Variants in CADPS2 observed in about 807,000 individuals in gnomAD.
CADPS2 encodes the protein calcium dependent secretion activator 2, also known as calcium-dependent secretion activator 2.
Under a neutral mutation model 172.5 loss-of-function variants are expected in CADPS2, and 93 were observed. The observed-to-expected ratio is 0.54, with a 90% confidence interval of 0.46 to 0.64. The LOEUF (loss-of-function observed/expected upper bound fraction) is 0.64, where lower values mean the gene tolerates loss of function less well. Among genes scored for constraint, CADPS2 ranks in the 30% least tolerant of loss-of-function variants. The probability of loss-of-function intolerance (pLI) is 0.00; values close to 1 mark genes in which losing one functional copy is unlikely to be tolerated. For missense variants in CADPS2, 1,420 were observed against 1,565.9 expected, an observed-to-expected ratio of 0.91 and a Z score of 1.57; for synonymous variants, 546 against 555.2, an observed-to-expected ratio of 0.98 and a Z score of 0.23.
intron 8 of CADPS2, among the ~76,000 whole-genome samples, chr7:122,544,773 C>T (rs2063454503): frequency 6.6e-6 from 1 of 152,116 alleles, no homozygotes; most frequent in Admixed American, 6.6e-5. Context: ...CATAGCCAAA[C>T]CCAAAGTTGG....
chr7:122,378,675 T>C (rs966110451), intron 25 of CADPS2: 6 of 152,096 alleles, frequency 3.9e-5, no homozygotes, highest in East Asian at 1.9e-4. Flanking sequence ...TATCTGCTTA[T>C]AGGAAAGTGC....
intron 8 of CADPS2, among the ~76,000 whole-genome samples, chr7:122,536,117 A>C (rs763139799): frequency 1.1e-4 from 16 of 152,254 alleles, no homozygotes; most frequent in Non-Finnish European, 1.9e-4. Flanking sequence ...CCACAGAATA[A>C]AGCAAAACAA....
chr7:122,816,162 T>G (rs1382593194), intron 1 of CADPS2, among the ~76,000 whole-genome samples: 1 of 151,970 alleles, frequency 6.6e-6, no homozygotes, highest in African/African-American at 2.4e-5. Context: ...TTCTTTATCT[T>G]TCCCCACCCC....
chr7:122,478,548 G>C (rs1167018508), intron 12 of CADPS2, among the ~76,000 whole-genome samples: 2 of 152,162 alleles, frequency 1.3e-5, no homozygotes, highest in Non-Finnish European at 2.9e-5. Context: ...ATTAGCTATA[G>C]ATTTAAGAAG....
At chr7:122,529,865 T>C (rs186069640) in intron 8 of CADPS2, among the ~76,000 whole-genome samples, 1 of 152,206 alleles carries the variant, frequency 6.6e-6, no homozygotes, top group East Asian at 1.9e-4. Flanking sequence ...AATTGGAAAG[T>C]TAACAAGAAT....
At chr7:122,340,806 G>T (rs1487719672) in intron 28 of CADPS2, among the ~76,000 whole-genome samples, 1 of 146,146 alleles carries the variant, frequency 6.8e-6, no homozygotes, top group Non-Finnish European at 1.5e-5. Flanking sequence ...AGATGGTTTT[G>T]ATTTGATAAA....
chr7:122,388,481 T>A, intron 23 of CADPS2, 102 bp downstream of exon 23: 1 of 1,164,990 alleles, frequency 8.6e-7, no homozygotes, highest in Non-Finnish European at 1.2e-6. Flanking sequence ...TAGTGGTGCA[T>A]AATGAAACCT....
At chr7:122,468,334 A>G (rs1053874217) in intron 14 of CADPS2, among the ~76,000 whole-genome samples, 1 of 152,246 alleles carries the variant, frequency 6.6e-6, no homozygotes, top group African/African-American at 2.4e-5. Context: ...ATGTTTAAAC[A>G]AAAGTCTCTA....
chr7:122,602,035 AC>A (rs996362060), intron 6 of CADPS2, among the ~76,000 whole-genome samples: 94 of 152,146 alleles, frequency 6.2e-4, no homozygotes, highest in African/African-American at 2.2e-3. Flanking sequence ...GAGAAAAATC[AC>A]CATCATGGAT....
At chr7:122,841,962 G>A (rs1810654836) in intron 1 of CADPS2, among the ~76,000 whole-genome samples, 1 of 152,192 alleles carries the variant, frequency 6.6e-6, no homozygotes, top group Non-Finnish European at 1.5e-5. Flanking sequence ...ACAGAAGGAT[G>A]ATTTACAAGG....
chr7:122,697,142 T>C (rs2085241870), intron 2 of CADPS2, among the ~76,000 whole-genome samples: 1 of 152,172 alleles, frequency 6.6e-6, no homozygotes, highest in African/African-American at 2.4e-5. Flanking sequence ...ACTAAAATAG[T>C]TGCTGTTCAC....
chr7:122,667,863 G>A lies in CADPS2; in HGVS notation c.454-4294C>T, dbSNP rs149212470. ...AAAGCACAAAAGAATAACACTGCAAGGCCATTTGAGGGAAATACAAGGACT... is the reference window on the plus strand; with the variant it reads ...AAAGCACAAAAGAATAACACTGCAAAGCCATTTGAGGGAAATACAAGGACT... On this transcript the variant is annotated intron_variant, in intron 2 of 29. Transcript: ENST00000449022. Among the ~76,000 whole-genome samples the A allele has an allele frequency of 2.1e-3, 327 of 152,184 alleles. 1 individual carries two copies. The highest frequency in any genetic ancestry group is 7.0e-3 in the African/African-American group (292 of 41,510).
intron 22 of CADPS2, among the ~76,000 whole-genome samples, chr7:122,389,796 A>C (rs1344491097): frequency 6.6e-6 from 1 of 152,250 alleles, no homozygotes; most frequent in East Asian, 1.9e-4. Flanking sequence ...TTACAAAAGA[A>C]AATTAAAGAA....
intron 7 of CADPS2, among the ~76,000 whole-genome samples, chr7:122,571,844 G>T (rs1347943035): frequency 6.6e-6 from 1 of 152,110 alleles, no homozygotes; most frequent in Non-Finnish European, 1.5e-5. Flanking sequence ...TAGTTTATAA[G>T]TAGTTATCAT....
intron 28 of CADPS2, among the ~76,000 whole-genome samples, chr7:122,341,235 C>T (rs1290894306): frequency 6.6e-6 from 1 of 152,216 alleles, no homozygotes; most frequent in Non-Finnish European, 1.5e-5. Flanking sequence ...TTCTATTAAT[C>T]TACTGCACAT....
intron 12 of CADPS2, among the ~76,000 whole-genome samples, chr7:122,477,534 C>T (rs1320840910): frequency 3.4e-5 from 5 of 148,340 alleles, no homozygotes; most frequent in Non-Finnish European, 5.9e-5. Context: ...CCGCCACCCC[C>T]GACCCCACCA....
At chr7:122,847,377 G>T (rs1279927794) in intron 1 of CADPS2, among the ~76,000 whole-genome samples, 1 of 152,076 alleles carries the variant, frequency 6.6e-6, no homozygotes, top group African/African-American at 2.4e-5. Context: ...GTGAGCCACC[G>T]TGCCCAGCCG....
At chr7:122,569,435 C>T (rs150889744) in intron 7 of CADPS2, among the ~76,000 whole-genome samples, 75 of 150,920 alleles carry the variant, frequency 5.0e-4, no homozygotes, top group Admixed American at 2.3e-3. Context: ...AGAATCAATA[C>T]CGTGAAAATG....
Position 122,736,991 on chromosome 7 carries a change from G to A in CADPS2, c.417C>T (p.Asp139=), listed in dbSNP as rs549096485. ...FLNGETQIVA[D]EAFCNAVRSY... ...TCCGAACTGCGTTGCAAAATGCTTC[G>A]TCAGCTACAATTTGGGTTTCCCCAT... The change falls in exon 2 of 30, where the codon GAC becomes GAT. Residue 139 remains aspartate (D), a synonymous_variant. Coordinates refer to ENST00000449022, the MANE Select transcript of CADPS2 (RefSeq NM_017954.11). 4.3e-5 allele frequency: 69 copies of A among 1,611,864 alleles called. No homozygotes were observed. The East Asian group carries it at 8.5e-4, about 20-fold the overall frequency.
Sources: allele counts gnomAD v4.1 joint callset (sites outside exome capture counted in the v4.1 genomes callset), GRCh38; gene constraint gnomAD v4.1.1; transcripts MANE v1.5; gene names NCBI Gene and HGNC (gene_info 2026-07-23, HGNC 2026-07-21).